ANK3: variants seen among roughly 807,000 people sequenced by gnomAD.
The protein encoded by ANK3 is ankyrin-3.
A neutral mutation model predicts 370.9 loss-of-function variants in ANK3; 57 were observed. The observed-to-expected ratio is 0.15, with a 90% confidence interval of 0.12 to 0.19. The LOEUF (loss-of-function observed/expected upper bound fraction) is 0.19, where lower values mean the gene tolerates loss of function less well. ANK3 is among the 10% of genes least tolerant of loss of function. ANK3 has a pLI of 1.00. For synonymous variants in ANK3, 1,929 were observed against 1,946.3 expected (o/e 0.99, Z 0.23); for missense variants, 4,439 against 5,302.1 (o/e 0.84, Z 5.06).
chr10:60,180,615 C>CAAAAAAAAAAAAAAAA (rs990463587), intron 18 of ANK3, among the ~76,000 whole-genome samples: 9 of 106,146 alleles, frequency 8.5e-5, no homozygotes, highest in Non-Finnish European at 1.3e-4. Flanking sequence ...AAAAAAAAAC[C>CAAAAAAAAAAAAAAAA]AAAAAAAAAA....
At chr10:60,470,782 A>C (rs1482198289) in intron 2 of ANK3, among the ~76,000 whole-genome samples, 1 of 152,184 alleles carries the variant, frequency 6.6e-6, no homozygotes, top group African/African-American at 2.4e-5. Flanking sequence ...TAATCTAATA[A>C]AGAAGCCAAA....
chr10:60,397,199 AT>A (rs1297530354), intron 2 of ANK3, among the ~76,000 whole-genome samples: 1 of 138,216 alleles, frequency 7.2e-6, no homozygotes, highest in East Asian at 2.3e-4. Context: ...TTATAGTAGG[AT>A]TAAAAAAAAA....
intron 25 of ANK3, among the ~76,000 whole-genome samples, chr10:60,121,887 AAT>A (rs2093499074): frequency 6.6e-6 from 1 of 152,188 alleles, no homozygotes; most frequent in South Asian, 2.1e-4. Context: ...CCTGTATAAA[AAT>A]ATCTCATGTC....
At chr10:60,183,831 C>G (rs2096261137) in intron 17 of ANK3, among the ~76,000 whole-genome samples, 2 of 150,226 alleles carry the variant, frequency 1.3e-5, no homozygotes, top group East Asian at 3.9e-4. Flanking sequence ...GCACTCCAGC[C>G]TGGGCAACAA....
chr10:60,182,267 C>G (rs192373069), intron 17 of ANK3, among the ~76,000 whole-genome samples: 1 of 152,030 alleles, frequency 6.6e-6, no homozygotes, highest in Non-Finnish European at 1.5e-5. Context: ...TAGGAAAGAT[C>G]GCCTGTGAAA....
intron 2 of ANK3, among the ~76,000 whole-genome samples, chr10:60,547,806 T>C (rs1019818454): frequency 3.3e-5 from 5 of 152,082 alleles, no homozygotes; most frequent in Non-Finnish European, 5.9e-5. Flanking sequence ...AGACAAGCAG[T>C]TACCTATTCA....
intron 42 of ANK3, among the ~76,000 whole-genome samples, chr10:60,046,295 A>G (rs4948382): frequency 0.16 from 24,226 of 152,216 alleles, 2,573 homozygotes; most frequent in East Asian, 0.59. Context: ...GCCAATAAAA[A>G]GTAATGAAAG....
At chr10:60,729,071 C>T (rs951480188) in intron 1 of ANK3, among the ~76,000 whole-genome samples, 2 of 152,158 alleles carry the variant, frequency 1.3e-5, no homozygotes, top group African/African-American at 4.8e-5. Context: ...GTGCCTTTTA[C>T]AAGATAGGAG....
At chr10:60,409,387 C>A (rs2132924700) in intron 2 of ANK3, among the ~76,000 whole-genome samples, 1 of 152,274 alleles carries the variant, frequency 6.6e-6, no homozygotes, top group East Asian at 1.9e-4. Context: ...GCATATAGCT[C>A]ATGGCGGAGA....
intron 8 of ANK3, among the ~76,000 whole-genome samples, chr10:60,215,569 C>A (rs2096924223): frequency 1.3e-5 from 2 of 152,144 alleles, no homozygotes; most frequent in South Asian, 4.1e-4. Context: ...TTTCAGTTTT[C>A]TGCATATGTC....
intron 2 of ANK3, among the ~76,000 whole-genome samples, chr10:60,431,298 C>T (rs150175429): frequency 6.6e-6 from 1 of 152,114 alleles, no homozygotes; most frequent in African/African-American, 2.4e-5. Context: ...AGGGTTTGTG[C>T]AGTTCACAGC....
chr10:60,064,365 G>T, intron 38 of ANK3, 77 bp from the exon 39 acceptor site: 1 of 1,399,288 alleles, frequency 7.1e-7, no homozygotes, highest in Non-Finnish European at 9.6e-7. Flanking sequence ...ATGCTCAATT[G>T]CCACAAAAAG....
At chr10:60,682,345 C>T (rs948578505) in intron 1 of ANK3, among the ~76,000 whole-genome samples, 1 of 152,038 alleles carries the variant, frequency 6.6e-6, no homozygotes, top group East Asian at 1.9e-4. Flanking sequence ...AATCCTGATT[C>T]TGCCACTTGA....
intron 1 of ANK3, among the ~76,000 whole-genome samples, chr10:60,680,911 T>C (rs966755987): frequency 5.9e-5 from 9 of 152,184 alleles, no homozygotes; most frequent in Non-Finnish European, 1.3e-4. Flanking sequence ...AAGGCCACTG[T>C]GAACAGTTAA....
Position 60,312,563 on chromosome 10 carries a change from T to C in ANK3, c.115-32924A>G, listed in dbSNP as rs201394044. Among the ~76,000 whole-genome samples the C allele has an allele frequency of 1.4e-4, 22 of 152,262 alleles. No homozygotes were observed. The East Asian group carries it at 4.1e-3, about 28-fold the overall frequency. The stretch of plus-strand genomic sequence containing the variant: ...TGTCTTGCCTTCCAACTATCAAACA[T>C]TGAATCTTAGGCCTAGATGGGACCT... On this transcript the variant is annotated intron_variant, in intron 1 of 43. Coordinates refer to ENST00000280772, the MANE Select transcript of ANK3 (RefSeq NM_020987.5).
chr10:60,104,145 G>A (rs925880682), intron 28 of ANK3, among the ~76,000 whole-genome samples: 1 of 151,666 alleles, frequency 6.6e-6, no homozygotes, highest in African/African-American at 2.4e-5. Context: ...TTTGAACCTG[G>A]GTGAAAGAAT....
chr10:60,549,462 C>T lies in ANK3; in HGVS notation c.96+65724G>A, dbSNP rs560557787. Reference sequence around the variant, plus strand: ...ATTTTTCTTACAACTAATGTGCGTGCTGTTTAGAGAACAATCCCCTTACTT... The same window carrying T: ...ATTTTTCTTACAACTAATGTGCGTGTTGTTTAGAGAACAATCCCCTTACTT... On this transcript the variant is annotated intron_variant, in intron 2 of 43. Coordinates refer to the ANK3 transcript ENST00000373827. Among the ~76,000 whole-genome samples the T allele has an allele frequency of 2.8e-4, 43 of 152,238 alleles. No individual in the cohort carries two copies. In the South Asian group the frequency reaches 8.9e-3, roughly 32 times the overall value.
At chr10:60,630,159 TGTCA>T (rs1390844017) in intron 1 of ANK3, among the ~76,000 whole-genome samples, 1 of 152,128 alleles carries the variant, frequency 6.6e-6, no homozygotes, top group Non-Finnish European at 1.5e-5. Flanking sequence ...GTTTCTTATC[TGTCA>T]AAGGGCATGA....
chr10:60,137,139 G>T (rs748254226), intron 24 of ANK3, among the ~76,000 whole-genome samples: 3 of 151,834 alleles, frequency 2.0e-5, no homozygotes, highest in Admixed American at 6.6e-5. Context: ...TAAATTTTGC[G>T]TAAGTAATAT....
Sources: gnomAD v4.1 joint callset for allele counts (sites outside exome capture counted in the v4.1 genomes callset) on GRCh38, gnomAD v4.1.1 for gene constraint, MANE v1.5 for transcripts, NCBI Gene and HGNC (gene_info 2026-07-23, HGNC 2026-07-21) for gene names.